The following LRRK1 variants were observed in gnomAD, a reference collection of about 807,000 sequenced individuals.
The protein encoded by LRRK1 is leucine-rich repeat serine/threonine-protein kinase 1.
Under a neutral mutation model 209.1 loss-of-function variants are expected in LRRK1, and 113 were observed. That is an observed-to-expected ratio of 0.54 (90% CI 0.46 to 0.63). LRRK1 has a LOEUF of 0.63. LRRK1 is among the 30% of genes least tolerant of loss of function. The pLI, the probability that LRRK1 is intolerant of heterozygous loss-of-function variation, is 0.00. For synonymous variants in LRRK1, 1,144 were observed against 1,099.7 expected, an observed-to-expected ratio of 1.04 and a Z score of -0.80; for missense variants, 2,284 against 2,632.2, an observed-to-expected ratio of 0.87 and a Z score of 2.89.
chr15:101,027,615 T>C lies in LRRK1; in HGVS notation c.2527-23T>C, dbSNP rs749446800. 5.0e-6 allele frequency: 8 copies of C among 1,605,750 alleles called. No homozygotes were observed. Among genetic ancestry groups the C allele is most frequent in the Non-Finnish European group, 6.8e-6 (8 of 1,177,318 alleles). ...GTGTGCCTTGGGACCTGAGAGACCC[T>C]GCCTCGCCCAACTGTCCCCCAGATC... On this transcript the variant is annotated intron_variant, in intron 18 of 33. Transcript: ENST00000388948. This position sits in a 1 kb window ranked among gnomAD's most constrained non-coding sequence, Gnocchi z 5.1.
intron 12 of LRRK1, among the ~76,000 whole-genome samples, chr15:101,018,549 G>A (rs1018312842): frequency 6.6e-6 from 1 of 152,124 alleles, no homozygotes; most frequent in African/African-American, 2.4e-5. Flanking sequence ...TCCTTCCTGG[G>A]ACCACGGAGG....
intron 31 of LRRK1, among the ~76,000 whole-genome samples, chr15:101,063,765 C>T (rs186251347): frequency 4.0e-5 from 6 of 151,122 alleles, no homozygotes; most frequent in Admixed American, 2.0e-4. Flanking sequence ...TCTGGATGGT[C>T]GCAAAATACA....
Position 101,068,988 on chromosome 15 carries a change from C to A in LRRK1, c.*140C>A. On this transcript the variant is annotated 3_prime_UTR_variant, in exon 34 of 34. Transcript: ENST00000388948. ...CTGAACTCCTTGCTGCTAAGAAGTG[C>A]TGAGAAGTTACTCGCCTGGCGGTGG... The A allele has an allele frequency of 1.2e-6, 1 of 825,140 alleles. No homozygotes were observed. The highest frequency in any genetic ancestry group is 1.8e-6 in the Non-Finnish European group (1 of 563,960). 51.1% of individuals were successfully genotyped at this position (825,140 alleles called of 1,614,324 possible). A position where few individuals can be genotyped will look rare whatever the true frequency, so the allele number is the denominator to read the frequency against.
At chr15:101,065,046 GGCAGAA>G in intron 31 of LRRK1, 1 of 426,130 alleles carries the variant, frequency 2.3e-6, no homozygotes, top group South Asian at 3.0e-5. Context: ...GCAAGAAGCT[GGCAGAA>G]GCAGAGGCAG....
At position 101,027,622 on chromosome 15, in the gene LRRK1, C is replaced by T. The variant is rs1292224548; in HGVS notation, c.2527-16C>T. The T allele has an allele frequency of 6.8e-6, 11 of 1,608,188 alleles. No individual in the cohort carries two copies. The Admixed American group carries it at 1.9e-4, about 27-fold the overall frequency. On this transcript the variant is annotated splice_polypyrimidine_tract_variant and intron_variant, in intron 18 of 33. Transcript: ENST00000388948. The surrounding 1 kb of genome is among the most constrained non-coding windows in gnomAD (Gnocchi z 5.1). ...TTGGGACCTGAGAGACCCTGCCTCG[C>T]CCAACTGTCCCCCAGATCCCCAGGA...
Position 101,077,817 on chromosome 15 carries a change from T to A in LRRK1, c.*8969T>A, listed in dbSNP as rs575963582. 1.5e-4 allele frequency: 23 copies of A among 152,306 alleles called. No individual in the cohort carries two copies. Among genetic ancestry groups the A allele is most frequent in the African/African-American group, 5.3e-4 (22 of 41,550 alleles). The allele number at this position is 152,306 out of a possible 1,614,324, so 9.4% of individuals were successfully genotyped here. A position where few individuals can be genotyped will look rare whatever the true frequency, so the allele number is the denominator to read the frequency against. On this transcript the variant is annotated 3_prime_UTR_variant, in exon 34 of 34. Transcript: ENST00000388948. ...CGACACTATTTTGTTTTATTTTTCTTATTAATATAAGAAGGCAGGAATGTC... is the reference window on the plus strand; with the variant it reads ...CGACACTATTTTGTTTTATTTTTCTAATTAATATAAGAAGGCAGGAATGTC...
At chr15:101,017,164 C>T (rs2033576353) in intron 12 of LRRK1, among the ~76,000 whole-genome samples, 1 of 152,164 alleles carries the variant, frequency 6.6e-6, no homozygotes, top group Non-Finnish European at 1.5e-5. Context: ...CAACTTTCTT[C>T]TTCAGTTTGA....
intron 1 of LRRK1, chr15:100,920,310 GAT>G (rs2041999203): frequency 6.6e-6 from 1 of 152,216 alleles, no homozygotes; most frequent in South Asian, 2.1e-4. Context: ...GTACACTAAT[GAT>G]AGAGTTTGCC....
Position 101,029,086 on chromosome 15 carries a change from C to G in LRRK1, c.2817C>G (p.Gly939=), listed in dbSNP as rs770282693. ...TGCAGAGGATCTTTAATATTAAGGG[C>G]TCTCGGTCAGTGGCCAAGAATGGGG... The part of the protein sequence containing the change: ...ECLQRIFNIK[G]SRSVAKNGVI... The change falls in exon 20 of 34, where the codon GGC becomes GGG. Residue 939 remains glycine, a synonymous_variant. Coordinates refer to ENST00000388948, the MANE Select transcript of LRRK1 (RefSeq NM_024652.6). The G allele has an allele frequency of 1.2e-5, 19 of 1,614,224 alleles. No individual in the cohort carries two copies. The highest frequency in any genetic ancestry group is 1.6e-5 in the Non-Finnish European group (19 of 1,180,048).
chr15:100,982,360 G>A (rs1283675947), intron 3 of LRRK1, among the ~76,000 whole-genome samples: 3 of 152,212 alleles, frequency 2.0e-5, no homozygotes, highest in Non-Finnish European at 4.4e-5. Context: ...GCAGCTATCT[G>A]AGCATCCTTT....
intron 2 of LRRK1, among the ~76,000 whole-genome samples, chr15:100,945,819 G>T (rs1205082579): frequency 1.3e-5 from 2 of 152,066 alleles, no homozygotes; most frequent in African/African-American, 2.4e-5. Flanking sequence ...ATCAATTTTT[G>T]AGGAACTCTG....
At chr15:101,029,373 C>G (rs912199710) in intron 20 of LRRK1, 141 bp downstream of exon 20, 1 of 857,016 alleles carries the variant, frequency 1.2e-6, no homozygotes, top group South Asian at 2.0e-5. Context: ...GGCCAGCACC[C>G]GATGACCTGC....
rs1434564828 is a variant in LRRK1 at position 101,024,541 on chromosome 15, C to G, written c.2068-262C>G. On this transcript the variant is annotated intron_variant, in intron 15 of 33. Transcript: ENST00000388948. The surrounding 1 kb of genome is among the most constrained non-coding windows in gnomAD (Gnocchi z 4.6). ...CATCTGCAGCCCAGACAGAGCCAGG[C>G]CCTCTGAAGTCTGTCCAGGGCCTGG... Among the ~76,000 whole-genome samples the G allele has an allele frequency of 1.3e-5, 2 of 152,206 alleles. No individual in the cohort carries two copies. Among genetic ancestry groups the G allele is most frequent in the East Asian group, 3.9e-4 (2 of 5,192 alleles).
chr15:100,925,648 A>G (rs182588108), intron 2 of LRRK1, among the ~76,000 whole-genome samples: 13 of 152,364 alleles, frequency 8.5e-5, no homozygotes, highest in Admixed American at 1.3e-4. Flanking sequence ...ATAGGATATC[A>G]TCGTTTACAA....
Position 101,062,675 on chromosome 15 carries a change from G to A in LRRK1, c.4899G>A (p.Val1633=), listed in dbSNP as rs781496520. 1 of 1,613,608 alleles carries A rather than the reference G, an allele frequency of 6.2e-7. No individual in the cohort carries two copies. The highest frequency in any genetic ancestry group is 1.7e-5 in the Admixed American group (1 of 60,034). ...TPAVVTCFLA[V]PVIKKNSYLV... is the part of the protein sequence containing the mutation. ...CTGTCGTCACCTGCTTCTTGGCCGT[G>A]CCTGTTATTAAAAAGGTGAGGTCGG... Residue 1633 remains valine, a synonymous_variant, in exon 31 of 34, where the codon GTG becomes GTA. Transcript: ENST00000388948.
rs368054863 is a variant in LRRK1, at chr15:100,952,895, A to C, written c.98-20909A>C. ...GCTTTAAGCAAGATCTTTTAACAGA[A>C]TCTATTGACCAAAATTAACTCTAGG... is the stretch of plus-strand genomic sequence containing the variant. On this transcript the variant is annotated intron_variant, in intron 2 of 33. Transcript: ENST00000388948. Among the ~76,000 whole-genome samples, 25 of 152,344 alleles carry C rather than the reference A, an allele frequency of 1.6e-4. 2 individuals carry two copies. The highest frequency in any genetic ancestry group is 7.8e-4 in the Admixed American group (12 of 15,300).
Position 100,973,856 on chromosome 15 carries a change from G to A in LRRK1, c.150G>A (p.Ala50=), listed in dbSNP as rs1287085847. The change falls in exon 3 of 34, where the codon GCG becomes GCA. Residue 50 remains alanine (A), a synonymous_variant. Transcript: ENST00000388948. Reference sequence around the variant, plus strand: ...CCACGCGGGGCGGTGACCCTGCAGCGCGGTCCCGCAGGACGGAAGGCATCC... The same window carrying A: ...CCACGCGGGGCGGTGACCCTGCAGCACGGTCCCGCAGGACGGAAGGCATCC... ...KPSTRGGDPA[A]RSRRTEGIRA... The A allele has an allele frequency of 7.7e-7, 1 of 1,292,274 alleles. No individual in the cohort carries two copies. Among genetic ancestry groups the A allele is most frequent in the Non-Finnish European group, 9.8e-7 (1 of 1,016,116 alleles). 80.1% of individuals were successfully genotyped at this position (1,292,274 alleles called of 1,614,324 possible). A position where few individuals can be genotyped will look rare whatever the true frequency, so the allele number is the denominator to read the frequency against.
At position 101,027,043 on chromosome 15, in the gene LRRK1, C is replaced by A. The variant is rs1249415783; in HGVS notation, c.2406-218C>A. On this transcript the variant is annotated intron_variant, in intron 17 of 33. Coordinates refer to ENST00000388948, the MANE Select transcript of LRRK1 (RefSeq NM_024652.6). This position sits in a 1 kb window ranked among gnomAD's most constrained non-coding sequence, Gnocchi z 5.1. ...CCTCACTTTCCTCCTCCGTGAAGTG[C>A]CATGTTTAGTCTGGGAAGACAGACT... Among the ~76,000 whole-genome samples, 1 of 152,112 alleles carries A rather than the reference C, an allele frequency of 6.6e-6. No homozygotes were observed. The highest frequency in any genetic ancestry group is 6.5e-5 in the Admixed American group (1 of 15,268).
chr15:101,066,285 T>G, intron 32 of LRRK1, 80 bp downstream of exon 32: 2 of 1,493,778 alleles, frequency 1.3e-6, no homozygotes, highest in Non-Finnish European at 1.8e-6. Context: ...GGAAGCCCCC[T>G]GGCTTCCTTA....
Sources: gnomAD v4.1 joint callset for allele counts (sites outside exome capture counted in the v4.1 genomes callset) on GRCh38, gnomAD v4.1.1 for gene constraint, Gnocchi (gnomAD v3.1) non-coding constraint, MANE v1.5 for transcripts, NCBI Gene and HGNC (gene_info 2026-07-23, HGNC 2026-07-21) for gene names.